Variants in PAK5 observed in about 807,000 individuals in gnomAD.
PAK5 encodes the protein p21 (RAC1) activated kinase 5, also known as serine/threonine-protein kinase PAK 5.
Under a neutral mutation model 65.9 loss-of-function variants are expected in PAK5, and 16 were observed. The ratio of observed to expected loss-of-function variants is 0.24; its 90% CI spans 0.16 to 0.37. The LOEUF (loss-of-function observed/expected upper bound fraction) is 0.37. PAK5 is among the 10% of genes least tolerant of loss of function. PAK5 has a pLI of 1.00. For missense variants in PAK5, 785 were observed against 903.9 expected (o/e 0.87, Z 1.69); for synonymous variants, 371 against 354.9 (o/e 1.05, Z -0.51).
At chr20:9,766,283 A>AATATATATATACTCTAC (rs778478384) in intron 1 of PAK5, among the ~76,000 whole-genome samples, 1 of 66,770 alleles carries the variant, frequency 1.5e-5, no homozygotes, top group African/African-American at 6.1e-5. Context: ...ATATATTCTA[A>AATATATATATACTCTAC]TTGAATATAT....
At chr20:9,654,943 C>G (rs1268719295) in intron 2 of PAK5, among the ~76,000 whole-genome samples, 1 of 152,160 alleles carries the variant, frequency 6.6e-6, no homozygotes, top group African/African-American at 2.4e-5. Flanking sequence ...TTACTTGTTC[C>G]CACAGTTCCT....
intron 4 of PAK5, among the ~76,000 whole-genome samples, chr20:9,578,567 C>T (rs1008971203): frequency 6.6e-5 from 10 of 152,114 alleles, no homozygotes; most frequent in South Asian, 4.1e-4. Context: ...ATAAGCCACA[C>T]GCACACAAAA....
chr20:9,599,654 T>C (rs966240304), intron 3 of PAK5, among the ~76,000 whole-genome samples: 6 of 152,346 alleles, frequency 3.9e-5, no homozygotes, highest in African/African-American at 1.4e-4. Context: ...ATATATCTTC[T>C]CTGGAGCAGT....
At chr20:9,747,543 AT>A (rs1265319329) in intron 1 of PAK5, among the ~76,000 whole-genome samples, 2 of 151,368 alleles carry the variant, frequency 1.3e-5, no homozygotes, top group Non-Finnish European at 3.0e-5. Flanking sequence ...ACGCAAATCA[AT>A]AAATGTAATC....
At chr20:9,659,891 T>A (rs1163233002) in intron 2 of PAK5, among the ~76,000 whole-genome samples, 3 of 152,186 alleles carry the variant, frequency 2.0e-5, no homozygotes, top group Non-Finnish European at 4.4e-5. Flanking sequence ...ACCCCTGCTA[T>A]GGTGTATAAG....
intron 1 of PAK5, among the ~76,000 whole-genome samples, chr20:9,802,451 C>T (rs1239258908): frequency 6.6e-6 from 1 of 152,024 alleles, no homozygotes; most frequent in Non-Finnish European, 1.5e-5. Flanking sequence ...CATCTGCTTT[C>T]CTATGCATTG....
intron 1 of PAK5, among the ~76,000 whole-genome samples, chr20:9,808,891 G>A (rs2049264064): frequency 6.6e-6 from 1 of 152,036 alleles, no homozygotes; most frequent in Non-Finnish European, 1.5e-5. Context: ...CAGTAAATCT[G>A]TTGTTTTAAA....
rs193291167 is a variant in PAK5, at chr20:9,750,118, C to A, written c.-161-38683G>T. 2.7e-3 allele frequency among the ~76,000 whole-genome samples: 417 copies of A among 152,098 alleles called. 3 individuals carry two copies. The highest frequency in any genetic ancestry group is 0.01 in the Middle Eastern group (3 of 294). ...AGATCTTCAGTTATTGAGTGCATCA[C>A]CCTTTTTCATTTATGGCCTAAACAT... On this transcript the variant is annotated intron_variant, in intron 1 of 9. Coordinates refer to ENST00000353224, the MANE Select transcript of PAK5 (RefSeq NM_177990.4).
chr20:9,684,421 T>G (rs2047690891), intron 2 of PAK5, among the ~76,000 whole-genome samples: 1 of 152,174 alleles, frequency 6.6e-6, no homozygotes, highest in Non-Finnish European at 1.5e-5. Context: ...CAGAGGGCAT[T>G]GAAGATATGA....
In PAK5 at chr20:9,621,405, T is replaced by TAA. The variant is rs33927046; in HGVS notation, c.204+22718_204+22719dup. Among the ~76,000 whole-genome samples, 333 of 118,106 alleles carry TAA rather than the reference T, an allele frequency of 2.8e-3. 1 individual carries two copies. The highest frequency in any genetic ancestry group is 8.6e-3 in the African/African-American group (250 of 29,044). The allele number at this position is 118,106 out of a possible 152,430, so 77.5% of individuals were successfully genotyped here. A position where few individuals can be genotyped will look rare whatever the true frequency, so the allele number is the denominator to read the frequency against. On this transcript the variant is annotated intron_variant, in intron 3 of 9. Transcript: ENST00000353224. ...TCATTAAGTTCAGGGCAGGACTGATTAAAAAAAAAAAAAAAAAAGACACAC... is the reference window on the plus strand; with the variant it reads ...TCATTAAGTTCAGGGCAGGACTGATTAAAAAAAAAAAAAAAAAAAAGACACAC...
At position 9,580,425 on chromosome 20, in the gene PAK5, G is replaced by A. The variant is rs147760246; in HGVS notation, c.710C>T (p.Ser237Phe). Reference sequence around the variant, plus strand: ...GCACCCGCTGGTCCCTGCAGTTCTAGAAGGTGTGAATTGGAATGAATAATC... The same window carrying A: ...GCACCCGCTGGTCCCTGCAGTTCTAAAAGGTGTGAATTGGAATGAATAATC... Reference protein sequence around the residue: ...PLDYSFQFTPSRTAGTSGCSK... With the variant: ...PLDYSFQFTPFRTAGTSGCSK... The change falls in exon 4 of 10, where the codon TCT becomes TTT. Residue 237 changes from serine (S) to phenylalanine (F), a missense_variant. By Grantham distance (155) the Ser-to-Phe change is radical. Coordinates refer to ENST00000353224, the MANE Select transcript of PAK5 (RefSeq NM_177990.4). 2 of 1,613,982 alleles carry A rather than the reference G, an allele frequency of 1.2e-6. No individual in the cohort carries two copies. The highest frequency in any genetic ancestry group is 2.7e-5 in the African/African-American group (2 of 74,878).
chr20:9,671,831 G>A (rs1355791609), intron 2 of PAK5, among the ~76,000 whole-genome samples: 1 of 152,046 alleles, frequency 6.6e-6, no homozygotes, highest in Non-Finnish European at 1.5e-5. Context: ...AGTGGTGAGA[G>A]AGGGCATCCC....
intron 1 of PAK5, among the ~76,000 whole-genome samples, chr20:9,715,682 G>A (rs982732295): frequency 5.9e-5 from 9 of 152,090 alleles, no homozygotes; most frequent in Admixed American, 2.6e-4. Flanking sequence ...TTAAGAAAAT[G>A]TGGCACATAT....
chr20:9,540,638 T>C (rs922673115), intron 9 of PAK5, among the ~76,000 whole-genome samples: 6 of 152,254 alleles, frequency 3.9e-5, no homozygotes, highest in Non-Finnish European at 8.8e-5. Context: ...TCCAGTTTTT[T>C]TGAAACCATT....
intron 3 of PAK5, among the ~76,000 whole-genome samples, chr20:9,601,214 T>C (rs1385535786): frequency 6.6e-6 from 1 of 152,186 alleles, no homozygotes; most frequent in Non-Finnish European, 1.5e-5. Context: ...TGCAAAGATA[T>C]TCACATTGCC....
chr20:9,576,638 G>C (rs1347590121), intron 4 of PAK5, among the ~76,000 whole-genome samples: 1 of 152,184 alleles, frequency 6.6e-6, no homozygotes, highest in Non-Finnish European at 1.5e-5. Flanking sequence ...CATTGCTTCA[G>C]GTATTAAAAG....
intron 1 of PAK5, among the ~76,000 whole-genome samples, chr20:9,810,890 T>TATACATAC (rs1569097610): frequency 6.6e-6 from 1 of 152,106 alleles, no homozygotes; most frequent in African/African-American, 2.4e-5. Context: ...TGCATACATA[T>TATACATAC]ATACATACAT....
chr20:9,702,296 G>A (rs2047949687), intron 2 of PAK5, among the ~76,000 whole-genome samples: 1 of 152,042 alleles, frequency 6.6e-6, no homozygotes, highest in African/African-American at 2.4e-5. Context: ...GACTCCTAGA[G>A]AACACAAAGC....
At chr20:9,691,738 A>G (rs772604583) in intron 2 of PAK5, among the ~76,000 whole-genome samples, 2 of 152,240 alleles carry the variant, frequency 1.3e-5, no homozygotes, top group Non-Finnish European at 2.9e-5. Flanking sequence ...AGTCCCTCTT[A>G]CATTCTTTAT....
Sources: gnomAD v4.1 joint callset for allele counts (sites outside exome capture counted in the v4.1 genomes callset) on GRCh38, gnomAD v4.1.1 for gene constraint, MANE v1.5 for transcripts, NCBI Gene and HGNC (gene_info 2026-07-23, HGNC 2026-07-21) for gene names.